NTRK3: variants seen among roughly 807,000 people sequenced by gnomAD.
NTRK3 encodes neurotrophic receptor tyrosine kinase 3.
Under a neutral mutation model 91.7 loss-of-function variants are expected in NTRK3, and 24 were observed. The observed-to-expected ratio is 0.26, with a 90% CI of 0.19 to 0.37. The LOEUF is 0.37. Ranked by LOEUF, NTRK3 falls within the 10% of genes least tolerant of loss-of-function variation. The pLI is 1.00. For missense variants in NTRK3, 880 were observed against 1,068.9 expected, an observed-to-expected ratio of 0.82 and a Z score of 2.46; for synonymous variants, 483 against 404.0, an observed-to-expected ratio of 1.20 and a Z score of -2.34.
chr15:88,006,544 C>T lies in NTRK3; in HGVS notation c.1585+26313G>A, dbSNP rs974232118. Among the ~76,000 whole-genome samples, 8 of 152,212 alleles carry T rather than the reference C, an allele frequency of 5.3e-5. No individual in the cohort carries two copies. The South Asian group carries it at 6.2e-4, about 12-fold the overall frequency. On this transcript the variant is annotated intron_variant, in intron 14 of 18. Coordinates refer to ENST00000394480, the Ensembl canonical transcript of NTRK3. ...GAGAGGCAGCTCTATCTGGGGGCAG[C>T]AGCCCTCCACAGGCACAGGACACAT...
chr15:87,877,283 T>C (rs1287238620), intron 18 of NTRK3, among the ~76,000 whole-genome samples, 163 bp from the exon 20 acceptor site: 11 of 152,182 alleles, frequency 7.2e-5, no homozygotes, highest in African/African-American at 2.7e-4. Context: ...ACTGGTATAT[T>C]TGTCTGTCTG....
chr15:87,999,042 C>A (rs773855202), intron 14 of NTRK3, among the ~76,000 whole-genome samples: 1 of 152,160 alleles, frequency 6.6e-6, no homozygotes, highest in Non-Finnish European at 1.5e-5. Flanking sequence ...GTGCCTTAGT[C>A]TGCCCAGGGT....
intron 5 of NTRK3, among the ~76,000 whole-genome samples, chr15:88,169,951 A>C (rs555350263): frequency 6.6e-6 from 1 of 152,240 alleles, no homozygotes; most frequent in Non-Finnish European, 1.5e-5. Flanking sequence ...AGGGAGCCCC[A>C]AGTCCTCATC....
At chr15:88,077,009 G>A (rs1375945049) in intron 13 of NTRK3, among the ~76,000 whole-genome samples, 3 of 152,046 alleles carry the variant, frequency 2.0e-5, no homozygotes, top group Admixed American at 6.6e-5. Context: ...CATGAGAATC[G>A]CTTGAACCTA....
At chr15:88,193,073 G>C (rs2047537525) in intron 3 of NTRK3, among the ~76,000 whole-genome samples, 1 of 152,022 alleles carries the variant, frequency 6.6e-6, no homozygotes, top group South Asian at 2.1e-4. Context: ...CTTAAATTGG[G>C]GCACCACCCC....
Position 88,094,891 on chromosome 15 carries a change from C to T in NTRK3, c.1396+31380G>A, listed in dbSNP as rs1427173460. ...TTAAATTAAGCTGTTTTAACTCCATCGTAACAGACTGAATCTGATTGGCCA... is the reference window on the plus strand; with the variant it reads ...TTAAATTAAGCTGTTTTAACTCCATTGTAACAGACTGAATCTGATTGGCCA... On this transcript the variant is annotated intron_variant, in intron 13 of 18. Transcript: ENST00000394480. Among the ~76,000 whole-genome samples, 6 of 152,220 alleles carry T rather than the reference C, an allele frequency of 3.9e-5. 1 individual carries two copies. The highest frequency in any genetic ancestry group is 2.6e-4 in the Admixed American group (4 of 15,286).
intron 17 of NTRK3, among the ~76,000 whole-genome samples, chr15:87,897,400 G>A (rs915771848): frequency 6.6e-6 from 1 of 152,182 alleles, no homozygotes; most frequent in Non-Finnish European, 1.5e-5. Context: ...CTCCAAAGAT[G>A]TGAGTTGAAA....
At chr15:88,256,482 C>A in exon 2 of NTRK3, 1 of 514,572 alleles carries the variant, frequency 1.9e-6, no homozygotes, top group South Asian at 3.2e-5. Context: ...TCTCCGACTC[C>A]GAGACTTTGC....
chr15:88,098,029 T>C (rs561339505), intron 13 of NTRK3, among the ~76,000 whole-genome samples: 1 of 152,370 alleles, frequency 6.6e-6, no homozygotes, highest in East Asian at 1.9e-4. Context: ...TATTCTACAG[T>C]GTCCTTCCAT....
At chr15:88,072,225 C>T (rs886760758) in intron 13 of NTRK3, among the ~76,000 whole-genome samples, 1 of 151,922 alleles carries the variant, frequency 6.6e-6, no homozygotes, top group African/African-American at 2.4e-5. Flanking sequence ...AGACTGGTCT[C>T]GAACTCCTGA....
chr15:88,194,292 G>C (rs1353893079), intron 3 of NTRK3, among the ~76,000 whole-genome samples: 14 of 152,200 alleles, frequency 9.2e-5, no homozygotes, highest in Non-Finnish European at 5.9e-5. Context: ...TCTCTCATGT[G>C]CCAAGGTGAT....
intron 13 of NTRK3, among the ~76,000 whole-genome samples, chr15:88,107,160 C>T (rs2050805033): frequency 6.6e-6 from 1 of 151,944 alleles, no homozygotes; most frequent in African/African-American, 2.4e-5. Context: ...AATAAGTCCA[C>T]AGGCCAGGTG....
At chr15:88,130,319 G>A (rs1244340079) in intron 10 of NTRK3, among the ~76,000 whole-genome samples, 1 of 152,032 alleles carries the variant, frequency 6.6e-6, no homozygotes, top group Non-Finnish European at 1.5e-5. Context: ...AAATGTAGAA[G>A]GAATGATAAA....
intron 17 of NTRK3, among the ~76,000 whole-genome samples, chr15:87,900,687 G>T (rs995158909): frequency 1.1e-4 from 15 of 138,058 alleles, no homozygotes; most frequent in Middle Eastern, 3.3e-3. Context: ...TGACTTTACA[G>T]AGGGTGTGTG....
At chr15:88,113,502 G>C (rs893594700) in intron 13 of NTRK3, among the ~76,000 whole-genome samples, 1 of 152,026 alleles carries the variant, frequency 6.6e-6, no homozygotes, top group Non-Finnish European at 1.5e-5. Flanking sequence ...TTTTAGTAGA[G>C]ATGGAGTTTC....
At chr15:87,884,266 T>C (rs889752456) in intron 17 of NTRK3, among the ~76,000 whole-genome samples, 1 of 151,584 alleles carries the variant, frequency 6.6e-6, no homozygotes, top group Non-Finnish European at 1.5e-5. Context: ...ACATGCATTA[T>C]TGGTTTACTA....
intron 14 of NTRK3, among the ~76,000 whole-genome samples, chr15:87,956,750 T>G (rs2071705514): frequency 1.3e-5 from 2 of 150,506 alleles, no homozygotes; most frequent in African/African-American, 4.9e-5. Context: ...TTTGTATTTT[T>G]TAGTAGAGAT....
chr15:87,893,259 C>T lies in NTRK3; in HGVS notation c.2134-12831G>A, dbSNP rs554391562. Among the ~76,000 whole-genome samples the T allele has an allele frequency of 2.0e-4, 30 of 152,290 alleles. No homozygotes were observed. The South Asian group carries it at 5.6e-3, about 28-fold the overall frequency. ...TGGGACAGGAGGGGAGCAAGAGCAG[C>T]AGTTCCACCTCCAGCCCTGGGATGC... is the stretch of plus-strand genomic sequence containing the variant. On this transcript the variant is annotated intron_variant, in intron 17 of 18. Coordinates refer to ENST00000394480, the Ensembl canonical transcript of NTRK3.
intron 5 of NTRK3, among the ~76,000 whole-genome samples, chr15:88,174,294 G>A (rs545768828): frequency 3.0e-4 from 45 of 152,220 alleles, no homozygotes; most frequent in African/African-American, 9.1e-4. Flanking sequence ...CTTATCCAAC[G>A]TCACAGCATA....
Sources: allele counts gnomAD v4.1 joint callset (sites outside exome capture counted in the v4.1 genomes callset), GRCh38; gene constraint gnomAD v4.1.1; transcripts MANE v1.5; gene names NCBI Gene and HGNC (gene_info 2026-07-23, HGNC 2026-07-21).